Variants in ZNF843 observed in about 807,000 individuals in gnomAD.
ZNF843 encodes the protein zinc finger protein 843.
For missense variants in ZNF843, 482 were observed against 469.4 expected, an observed-to-expected ratio of 1.03 and a Z score of -0.25; for synonymous variants, 185 against 207.7, an observed-to-expected ratio of 0.89 and a Z score of 0.94.
intron 1 of ZNF843, among the ~76,000 whole-genome samples, chr16:31,442,310 T>A (rs1255933087): frequency 7.2e-6 from 1 of 139,450 alleles, no homozygotes; most frequent in Non-Finnish European, 1.5e-5. Flanking sequence ...ATTTTATTTA[T>A]TTATTTATTT....
chr16:31,436,264 G>C lies in ZNF843; in HGVS notation c.586C>G (p.Leu196Val). 1 of 1,548,050 alleles carries C rather than the reference G, an allele frequency of 6.5e-7. No homozygotes were observed. Among genetic ancestry groups the C allele is most frequent in the African/African-American group, 1.4e-5 (1 of 73,150 alleles). The change falls in exon 2 of 2, where the codon CTC becomes GTC. Residue 196 changes from leucine (L) to valine (V), a missense_variant. By Grantham distance (32) the Leu-to-Val change is conservative. Coordinates refer to ENST00000315678, the MANE Select transcript of ZNF843 (RefSeq NM_001136509.3). ...GACCCGGGGCTCCCACAGGGCCGGAGCCCAGAGGTGCTGTCCGGGGCGACT... is the reference window on the plus strand; with the variant it reads ...GACCCGGGGCTCCCACAGGGCCGGACCCCAGAGGTGCTGTCCGGGGCGACT... ...SSVAPDSTSGLRPCGSPGSFL... is the reference protein window; with the variant it reads ...SSVAPDSTSGVRPCGSPGSFL...
chr16:31,437,619 G>GT (rs749584155), intron 1 of ZNF843, among the ~76,000 whole-genome samples: 3,459 of 109,888 alleles, frequency 0.031, 193 homozygotes, highest in African/African-American at 0.094. Context: ...TATAATCAAT[G>GT]TTTTTTTTTT....
intron 1 of ZNF843, among the ~76,000 whole-genome samples, chr16:31,439,928 T>A (rs2082195634): frequency 6.6e-6 from 1 of 152,244 alleles, no homozygotes; most frequent in Admixed American, 6.5e-5. Context: ...TCTTCTGAGA[T>A]GTAACACAGG....
rs1370264731 is a variant in ZNF843 at position 31,436,571 on chromosome 16, T to A, written c.279A>T (p.Gly93=). The A allele has an allele frequency of 1.3e-6, 2 of 1,550,650 alleles. No individual in the cohort carries two copies. Among genetic ancestry groups the A allele is most frequent in the Non-Finnish European group, 1.7e-6 (2 of 1,146,214 alleles). The change falls in exon 2 of 2, where the codon GGA becomes GGT. Residue 93 remains glycine, a synonymous_variant. Transcript: ENST00000315678. ...SPLGRSHSSA[G]VRQGFSGQLC... ...GCTGGCCGCTAAACCCTTGCCGCAC[T>A]CCCGCAGACGAATGGCTTCTCCCGA...
At position 31,436,293 on chromosome 16, in the gene ZNF843, C is replaced by G; in HGVS notation, c.557G>C (p.Ser186Thr). The G allele has an allele frequency of 1.9e-6, 3 of 1,549,306 alleles. No individual in the cohort carries two copies. The highest frequency in any genetic ancestry group is 2.6e-6 in the Non-Finnish European group (3 of 1,145,728). Reference protein sequence around the residue: ...GSVESVSLAPSSVAPDSTSGL... With the variant: ...GSVESVSLAPTSVAPDSTSGL... ...AGAGGTGCTGTCCGGGGCGACTGAGCTGGGTGCGAGGCTGACGCTCTCCAC... is the reference window on the plus strand; with the variant it reads ...AGAGGTGCTGTCCGGGGCGACTGAGGTGGGTGCGAGGCTGACGCTCTCCAC... Residue 186 changes from serine (S) to threonine (T), a missense_variant, in exon 2 of 2, where the codon AGC becomes ACC. Ser to Thr is a moderately conservative substitution (Grantham distance 58, BLOSUM62 1). Coordinates refer to ENST00000315678, the MANE Select transcript of ZNF843 (RefSeq NM_001136509.3).
At chr16:31,442,994 C>A, upstream of ZNF843, 1 of 152,796 alleles carries the variant, frequency 6.5e-6, no homozygotes, top group Non-Finnish European at 1.5e-5. Flanking sequence ...CCCGACCTGT[C>A]CCCTGGCCCT....
intron 1 of ZNF843, among the ~76,000 whole-genome samples, chr16:31,441,266 G>C (rs768933751): frequency 6.6e-6 from 1 of 152,192 alleles, no homozygotes; most frequent in Non-Finnish European, 1.5e-5. Context: ...ACCTTCCTCA[G>C]GGGTTAAAGC....
In ZNF843 at chr16:31,436,167, CTGAG is replaced by C. The variant is rs1347112130; in HGVS notation, c.679_682del (p.Leu227ValfsTer187). 1.9e-6 allele frequency: 3 copies of C among 1,541,248 alleles called. No homozygotes were observed. The highest frequency in any genetic ancestry group is 2.6e-6 in the Non-Finnish European group (3 of 1,141,356). On this transcript the variant is annotated frameshift_variant, in exon 2 of 2. Transcript: ENST00000315678. LOFTEE classifies it low-confidence loss of function (END_TRUNC). ...GCCGGATGGAACCAGAGGCTGGAGA[CTGAG>C]TGGGGGGCCAGGATAAAGGAAGGGA...
At position 31,435,772 on chromosome 16, in the gene ZNF843, A is replaced by ATTCC. The variant is rs995532098; in HGVS notation, c.*27_*30dup. On this transcript the variant is annotated 3_prime_UTR_variant, in exon 2 of 2. Coordinates refer to ENST00000315678, the MANE Select transcript of ZNF843 (RefSeq NM_001136509.3). Reference sequence around the variant, plus strand: ...CCACAGTCCACCGGCGGCTGCAACAATTCCACCCAGGGCTGCAGCACGCTG... The same window carrying ATTCC: ...CCACAGTCCACCGGCGGCTGCAACAATTCCTTCCACCCAGGGCTGCAGCACGCTG... 1.9e-4 allele frequency: 277 copies of ATTCC among 1,437,796 alleles called. No homozygotes were observed. Among genetic ancestry groups the ATTCC allele is most frequent in the Non-Finnish European group, 2.5e-4 (270 of 1,092,806 alleles). The allele number at this position is 1,437,796 out of a possible 1,614,324, so 89.1% of individuals were successfully genotyped here. A position where few individuals can be genotyped will look rare whatever the true frequency, so the allele number is the denominator to read the frequency against.
chr16:31,436,870 C>A lies in ZNF843; in HGVS notation c.-21G>T. On this transcript the variant is annotated 5_prime_UTR_variant, in exon 2 of 2. Transcript: ENST00000315678. ...CTCATGAGCAGGGCTTCGGAGATGA[C>A]CGCTCAGGGAGTAACTGTACGGGAG... 6 of 1,506,408 alleles carry A rather than the reference C, an allele frequency of 4.0e-6. No individual in the cohort carries two copies. The highest frequency in any genetic ancestry group is 1.3e-5 in the South Asian group (1 of 76,364). The allele number at this position is 1,506,408 out of a possible 1,614,324, so 93.3% of individuals were successfully genotyped here. A position where few individuals can be genotyped will look rare whatever the true frequency, so the allele number is the denominator to read the frequency against.
At chr16:31,437,628 T>G (rs1405155076) in intron 1 of ZNF843, among the ~76,000 whole-genome samples, 3 of 149,122 alleles carry the variant, frequency 2.0e-5, no homozygotes, top group African/African-American at 7.4e-5. Flanking sequence ...TGTTTTTTTT[T>G]TTTTTTTTTT....
rs1331318873 is a variant in ZNF843 at position 31,435,918 on chromosome 16, A to T, written c.932T>A (p.Leu311His). 6 of 1,544,936 alleles carry T rather than the reference A, an allele frequency of 3.9e-6. No homozygotes were observed. The South Asian group carries it at 7.2e-5, about 19-fold the overall frequency. The change falls in exon 2 of 2, where the codon CTT becomes CAT. Residue 311 changes from leucine (L) to histidine (H), a missense_variant. Physicochemically the swap from Leu to His is moderately conservative, Grantham distance 99. Coordinates refer to ENST00000315678, the MANE Select transcript of ZNF843 (RefSeq NM_001136509.3). Reference protein sequence around the residue: ...AGPLGEARARLQRQCRAPPPP... With the variant: ...AGPLGEARARHQRQCRAPPPP... Reference sequence around the variant, plus strand: ...TGGAGGAGCTCGGCACTGTCGCTGAAGCCTGGCCCTGGCCTCGCCGAGCGG... The same window carrying T: ...TGGAGGAGCTCGGCACTGTCGCTGATGCCTGGCCCTGGCCTCGCCGAGCGG...
In ZNF843 at chr16:31,435,618, G is replaced by C. The variant is rs973600508; in HGVS notation, c.*185C>G. On this transcript the variant is annotated 3_prime_UTR_variant, in exon 2 of 2. Transcript: ENST00000315678. ...CCTGCCTAAATCCCTTAATGTATAAGGGAAAGGAGCGAGAATTCAGGGGAA... is the reference window on the plus strand; with the variant it reads ...CCTGCCTAAATCCCTTAATGTATAACGGAAAGGAGCGAGAATTCAGGGGAA... 2.1e-5 allele frequency: 12 copies of C among 561,952 alleles called. No individual in the cohort carries two copies. Among genetic ancestry groups the C allele is most frequent in the Non-Finnish European group, 3.2e-5 (11 of 345,094 alleles). The allele number at this position is 561,952 out of a possible 1,614,324, so 34.8% of individuals were successfully genotyped here. A position where few individuals can be genotyped will look rare whatever the true frequency, so the allele number is the denominator to read the frequency against.
At chr16:31,439,777 G>A (rs186510702) in intron 1 of ZNF843, among the ~76,000 whole-genome samples, 61 of 152,304 alleles carry the variant, frequency 4.0e-4, no homozygotes, top group Non-Finnish European at 6.8e-4. Context: ...AGAGGGTGAC[G>A]GCAAAGTTCT....
chr16:31,436,041 C>T lies in ZNF843; in HGVS notation c.809G>A (p.Arg270Lys), dbSNP rs890889888. The stretch of plus-strand genomic sequence containing the variant: ...GTCCCGTCCCGCGCTCGCACAGCTT[C>T]TGGGCCCCATCGCCCCCTCCTGCTG... The part of the protein sequence containing the change: ...AAQQEGAMGP[R>K]SCASAGRDSR... The change falls in exon 2 of 2, where the codon AGA (arginine) becomes AAA (lysine). Residue 270 changes from arginine to lysine, a missense_variant. Physicochemically the swap from Arg to Lys is conservative, Grantham distance 26. Coordinates refer to ENST00000315678, the MANE Select transcript of ZNF843 (RefSeq NM_001136509.3). 6.5e-7 allele frequency: 1 copy of T among 1,540,392 alleles called. No homozygotes were observed. Among genetic ancestry groups the T allele is most frequent in the African/African-American group, 1.4e-5 (1 of 72,872 alleles).
chr16:31,438,086 G>C (rs967397195), intron 1 of ZNF843, among the ~76,000 whole-genome samples: 1 of 152,180 alleles, frequency 6.6e-6, no homozygotes, highest in African/African-American at 2.4e-5. Flanking sequence ...GGGAGGCTGA[G>C]GCCAGAGGAT....
In ZNF843 at chr16:31,435,849, G is replaced by A; in HGVS notation, c.1001C>T (p.Pro334Leu). The A allele has an allele frequency of 6.7e-7, 1 of 1,484,456 alleles. No individual in the cohort carries two copies. The highest frequency in any genetic ancestry group is 2.5e-5 in the East Asian group (1 of 40,034). 92.0% of individuals were successfully genotyped at this position (1,484,456 alleles called of 1,614,324 possible). A position where few individuals can be genotyped will look rare whatever the true frequency, so the allele number is the denominator to read the frequency against. ...CCTCCGGCTGGAGGCCTTCCACACC[G>A]GAAACACTGGTAGGGCTCCTCTCCA... is the stretch of plus-strand genomic sequence containing the variant. The part of the protein sequence containing the change: ...PHWRGALPVF[P>L]VWKASSRRSN... Residue 334 changes from proline to leucine, a missense_variant, in exon 2 of 2, where the codon CCG (proline) becomes CTG (leucine). Physicochemically the swap from Pro to Leu is moderately conservative, Grantham distance 98. Coordinates refer to ENST00000315678, the MANE Select transcript of ZNF843 (RefSeq NM_001136509.3).
chr16:31,440,366 T>G (rs540060881), intron 1 of ZNF843, among the ~76,000 whole-genome samples: 57 of 152,316 alleles, frequency 3.7e-4, no homozygotes, highest in Non-Finnish European at 7.5e-4. Context: ...TTTTAACTAC[T>G]CCATAATCAT....
Position 31,436,054 on chromosome 16 carries a change from C to T in ZNF843, c.796G>A (p.Ala266Thr), listed in dbSNP as rs752301725. 3.2e-6 allele frequency: 5 copies of T among 1,544,114 alleles called. No individual in the cohort carries two copies. The South Asian group carries it at 6.0e-5, about 19-fold the overall frequency. ...CTCGCACAGCTTCTGGGCCCCATCG[C>T]CCCCTCCTGCTGAGCTGCCGGCTGG... ...ATQPAAQQEG[A>T]MGPRSCASAG... The change falls in exon 2 of 2, where the codon GCG becomes ACG. Residue 266 changes from alanine (A) to threonine (T), a missense_variant. Ala to Thr is a moderately conservative substitution (Grantham distance 58). Transcript: ENST00000315678.
Sources: gnomAD v4.1 joint callset for allele counts (sites outside exome capture counted in the v4.1 genomes callset) on GRCh38, gnomAD v4.1.1 for gene constraint, MANE v1.5 for transcripts, NCBI Gene and HGNC (gene_info 2026-07-23, HGNC 2026-07-21) for gene names.